Variants in MDFIC observed in about 807,000 individuals in gnomAD.
MDFIC encodes MyoD family inhibitor domain containing, also known as myoD family inhibitor domain-containing protein.
MDFIC carries 17 observed loss-of-function variants against 23.2 expected under a neutral mutation model. That is an observed-to-expected ratio of 0.73 (90% CI 0.50 to 1.10). MDFIC has a LOEUF of 1.10. Ranked by LOEUF, MDFIC falls within the 50% of genes least tolerant of loss-of-function variation. The probability of loss-of-function intolerance (pLI) is 0.00; values close to 1 mark genes in which losing one functional copy is unlikely to be tolerated. For missense variants in MDFIC, 356 were observed against 316.6 expected, an observed-to-expected ratio of 1.12 and a Z score of -0.95; for synonymous variants, 120 against 115.2, an observed-to-expected ratio of 1.04 and a Z score of -0.27.
chr7:114,993,347 C>T (rs1276666218), intron 4 of MDFIC, among the ~76,000 whole-genome samples: 2 of 152,032 alleles, frequency 1.3e-5, no homozygotes, highest in African/African-American at 4.8e-5. Context: ...GTGTCTCTAT[C>T]TCCTTCAGTT....
rs1376236854 is a variant in MDFIC at position 114,922,935 on chromosome 7, A to G, written c.-99A>G. ...GTATATTTTTCCGCCAGAAGCAGTC[A>G]GTTCCCTGCACCCAGCACCTCACAG... is the stretch of plus-strand genomic sequence containing the variant. On this transcript the variant is annotated 5_prime_UTR_variant, in exon 2 of 5. Coordinates refer to ENST00000393486, the MANE Select transcript of MDFIC (RefSeq NM_001166345.3). 1.3e-6 allele frequency: 2 copies of G among 1,592,854 alleles called. No homozygotes were observed. Among genetic ancestry groups the G allele is most frequent in the Non-Finnish European group, 1.7e-6 (2 of 1,170,470 alleles).
At chr7:115,014,081 G>A (rs1791741636) in intron 4 of MDFIC, 3 of 985,258 alleles carry the variant, frequency 3.0e-6, no homozygotes, top group East Asian at 1.1e-4. Context: ...TCCCTTTTGA[G>A]TACTCTCTGA....
chr7:115,006,672 AT>A (rs1253115596), intron 4 of MDFIC, among the ~76,000 whole-genome samples: 1 of 152,140 alleles, frequency 6.6e-6, no homozygotes, highest in Non-Finnish European at 1.5e-5. Flanking sequence ...TTTTTGGGTT[AT>A]TTTTACCCCA....
chr7:114,926,349 G>A (rs539566545), intron 2 of MDFIC, among the ~76,000 whole-genome samples: 1 of 152,066 alleles, frequency 6.6e-6, no homozygotes, highest in Non-Finnish European at 1.5e-5. Context: ...AAGAAATCAG[G>A]GTAGAAGCAC....
In MDFIC at chr7:114,922,866, G is replaced by A. The variant is rs1585088202; in HGVS notation, c.-107-61G>A. On this transcript the variant is annotated intron_variant, in intron 1 of 4. Transcript: ENST00000393486. ...GTGGAGGGGGAGGGAACGTCCCGCA[G>A]GGGTGGTGTGCTCTTCTCTAAAAAC... 10 of 1,506,060 alleles carry A rather than the reference G, an allele frequency of 6.6e-6. No homozygotes were observed. The East Asian group carries it at 2.7e-4, about 41-fold the overall frequency. The allele number at this position is 1,506,060 out of a possible 1,614,324, so 93.3% of individuals were successfully genotyped here. A position where few individuals can be genotyped will look rare whatever the true frequency, so the allele number is the denominator to read the frequency against.
chr7:114,996,281 G>A (rs888641669), intron 4 of MDFIC, among the ~76,000 whole-genome samples: 25 of 152,172 alleles, frequency 1.6e-4, no homozygotes, highest in African/African-American at 4.3e-4. Context: ...AGTGATGGAG[G>A]TGATGAGATG....
intron 3 of MDFIC, among the ~76,000 whole-genome samples, chr7:114,961,647 C>A (rs1251678214): frequency 6.6e-6 from 1 of 152,114 alleles, no homozygotes; most frequent in Non-Finnish European, 1.5e-5. Context: ...AGAAAACTCA[C>A]AATCATGGTG....
chr7:114,950,816 A>G (rs1792753556), intron 3 of MDFIC, among the ~76,000 whole-genome samples: 1 of 152,168 alleles, frequency 6.6e-6, no homozygotes, highest in East Asian at 1.9e-4. Flanking sequence ...AATATATCCA[A>G]CAATAGGTAA....
At chr7:115,011,523 TAA>T (rs984477850) in intron 4 of MDFIC, among the ~76,000 whole-genome samples, 18 of 152,340 alleles carry the variant, frequency 1.2e-4, no homozygotes, top group African/African-American at 3.8e-4. Flanking sequence ...TTGAGGAAGA[TAA>T]GTTAGCAAAG....
intron 4 of MDFIC, among the ~76,000 whole-genome samples, chr7:115,008,554 G>A (rs1298829164): frequency 6.6e-6 from 1 of 152,108 alleles, no homozygotes; most frequent in African/African-American, 2.4e-5. Flanking sequence ...CTCACTTTAG[G>A]CCAATTTATT....
intron 4 of MDFIC, among the ~76,000 whole-genome samples, chr7:114,985,987 T>C (rs1341746703): frequency 6.6e-6 from 1 of 151,974 alleles, no homozygotes; most frequent in Non-Finnish European, 1.5e-5. Context: ...CCAATACTGC[T>C]ATGTATTAAC....
intron 4 of MDFIC, among the ~76,000 whole-genome samples, chr7:114,998,848 A>T (rs987406803): frequency 1.3e-5 from 2 of 152,146 alleles, no homozygotes; most frequent in Non-Finnish European, 2.9e-5. Flanking sequence ...TAAGTTTTTA[A>T]AAAAGAAGAT....
chr7:114,930,138 C>T (rs902626782), intron 2 of MDFIC, among the ~76,000 whole-genome samples: 3 of 152,102 alleles, frequency 2.0e-5, no homozygotes, highest in Admixed American at 1.3e-4. Context: ...AAAATGCCTG[C>T]TGGGTAACAC....
At chr7:114,931,782 TGAA>T (rs760313848) in intron 2 of MDFIC, among the ~76,000 whole-genome samples, 37 of 152,164 alleles carry the variant, frequency 2.4e-4, no homozygotes, top group Admixed American at 1.1e-3. Flanking sequence ...TGTCCATAGT[TGAA>T]GAATATACCG....
chr7:114,969,900 T>G, intron 3 of MDFIC, among the ~76,000 whole-genome samples: 1 of 152,180 alleles, frequency 6.6e-6, no homozygotes, highest in East Asian at 1.9e-4. Flanking sequence ...CTGAAGTAAT[T>G]CAGAAATCTG....
rs973434053 is a variant in MDFIC at position 114,960,438 on chromosome 7, G to A, written c.217+18041G>A. On this transcript the variant is annotated intron_variant, in intron 3 of 4. Coordinates refer to ENST00000393486, the MANE Select transcript of MDFIC (RefSeq NM_001166345.3). ...TCACTGATTATCCAAGAGTAAGTGG[G>A]AAAGAGTCCAGTAGGTGTACCATGG... Among the ~76,000 whole-genome samples, 5 of 152,230 alleles carry A rather than the reference G, an allele frequency of 3.3e-5. No homozygotes were observed. The South Asian group carries it at 1.0e-3, about 32-fold the overall frequency.
intron 4 of MDFIC, among the ~76,000 whole-genome samples, chr7:114,982,142 A>G (rs1793428122): frequency 6.6e-6 from 1 of 152,158 alleles, no homozygotes; most frequent in Non-Finnish European, 1.5e-5. Flanking sequence ...TGCTCTATAG[A>G]ATATGTGATC....
intron 3 of MDFIC, among the ~76,000 whole-genome samples, chr7:114,968,363 A>G (rs1408329386): frequency 6.6e-6 from 1 of 152,236 alleles, no homozygotes; most frequent in Non-Finnish European, 1.5e-5. Flanking sequence ...TTATTCATTT[A>G]TGTGCTAGAA....
At chr7:114,946,053 G>A (rs1476208765) in intron 3 of MDFIC, among the ~76,000 whole-genome samples, 1 of 152,172 alleles carries the variant, frequency 6.6e-6, no homozygotes, top group Non-Finnish European at 1.5e-5. Flanking sequence ...ATGTTACAGT[G>A]AAGCGACACC....
Sources: allele counts gnomAD v4.1 joint callset (sites outside exome capture counted in the v4.1 genomes callset), GRCh38; gene constraint gnomAD v4.1.1; transcripts MANE v1.5; gene names NCBI Gene and HGNC (gene_info 2026-07-23, HGNC 2026-07-21).